The following SYT1 variants were observed in gnomAD, a reference collection of about 807,000 sequenced individuals.
The protein encoded by SYT1 is synaptotagmin 1.
Under a neutral mutation model 44.8 loss-of-function variants are expected in SYT1, and 8 were observed. That is an observed-to-expected ratio of 0.18 (90% CI 0.10 to 0.32). The LOEUF is 0.32. Ranked by LOEUF, SYT1 falls within the 10% of genes least tolerant of loss-of-function variation. The pLI is 1.00. For missense variants in SYT1, 286 were observed against 509.3 expected (o/e 0.56, Z 4.22); for synonymous variants, 154 against 188.8 (o/e 0.82, Z 1.51).
At chr12:79,101,014 A>G (rs1288746834) in intron 3 of SYT1, among the ~76,000 whole-genome samples, 1 of 152,148 alleles carries the variant, frequency 6.6e-6, no homozygotes, top group African/African-American at 2.4e-5. Flanking sequence ...CTCCAATATT[A>G]TATACATAAT....
intron 2 of SYT1, among the ~76,000 whole-genome samples, chr12:79,009,952 C>T (rs1006713212): frequency 2.6e-5 from 4 of 152,144 alleles, no homozygotes; most frequent in African/African-American, 9.7e-5. Flanking sequence ...CCCAGATTCA[C>T]AATACTGAGC....
chr12:79,091,958 T>C (rs1877807659), intron 3 of SYT1, among the ~76,000 whole-genome samples: 1 of 152,002 alleles, frequency 6.6e-6, no homozygotes, highest in Non-Finnish European at 1.5e-5. Flanking sequence ...TCAATTTTGC[T>C]TTGCTGGAAC....
At chr12:79,233,195 T>C (rs1332233010) in intron 4 of SYT1, among the ~76,000 whole-genome samples, 1 of 152,226 alleles carries the variant, frequency 6.6e-6, no homozygotes, top group East Asian at 1.9e-4. Flanking sequence ...CCCCCAAGCA[T>C]GTTTATTCCA....
chr12:79,015,596 T>C (rs1221681037), intron 2 of SYT1, among the ~76,000 whole-genome samples: 3 of 152,166 alleles, frequency 2.0e-5, no homozygotes, highest in Non-Finnish European at 4.4e-5. Context: ...ATAAAAAAGA[T>C]ATGCAGCCAG....
intron 3 of SYT1, among the ~76,000 whole-genome samples, chr12:79,151,618 A>T (rs546580540): frequency 6.6e-6 from 1 of 152,270 alleles, no homozygotes; most frequent in Non-Finnish European, 1.5e-5. Flanking sequence ...TTGACCAGGT[A>T]CAGCCAATAT....
At chr12:79,252,875 A>T (rs1292581861) in intron 4 of SYT1, among the ~76,000 whole-genome samples, 1 of 152,188 alleles carries the variant, frequency 6.6e-6, no homozygotes, top group Non-Finnish European at 1.5e-5. Context: ...TTCCAGAGCT[A>T]GTTGACAGGT....
At chr12:79,337,430 A>G (rs1882142421) in intron 8 of SYT1, among the ~76,000 whole-genome samples, 1 of 152,184 alleles carries the variant, frequency 6.6e-6, no homozygotes, top group Non-Finnish European at 1.5e-5. Flanking sequence ...GGATAGAACA[A>G]CATCCTAGCT....
chr12:78,961,523 T>C (rs985274364), intron 1 of SYT1, among the ~76,000 whole-genome samples: 1 of 152,156 alleles, frequency 6.6e-6, no homozygotes, highest in African/African-American at 2.4e-5. Context: ...AAATTGATCA[T>C]ACCTTTTTGT....
chr12:79,205,509 A>G (rs1018323437), intron 3 of SYT1, among the ~76,000 whole-genome samples: 1 of 152,214 alleles, frequency 6.6e-6, no homozygotes, highest in Non-Finnish European at 1.5e-5. Context: ...CAGCAAAACA[A>G]TGTTAAACTT....
At chr12:79,179,544 G>GATATATATATAT (rs879668657) in intron 3 of SYT1, among the ~76,000 whole-genome samples, 1 of 24,328 alleles carries the variant, frequency 4.1e-5, no homozygotes, top group African/African-American at 1.8e-4. Flanking sequence ...TATAGATATA[G>GATATATATATAT]AGATATAGAT....
chr12:79,082,898 C>T (rs534497703), intron 3 of SYT1, among the ~76,000 whole-genome samples: 14 of 152,120 alleles, frequency 9.2e-5, no homozygotes, highest in African/African-American at 2.9e-4. Flanking sequence ...CACGTCTTCT[C>T]AGGCTTTGAG....
intron 3 of SYT1, among the ~76,000 whole-genome samples, chr12:79,071,516 A>G (rs1815358979): frequency 6.6e-6 from 1 of 152,212 alleles, no homozygotes; most frequent in African/African-American, 2.4e-5. Flanking sequence ...AATGCCTACT[A>G]TATTTGTTTG....
intron 4 of SYT1, among the ~76,000 whole-genome samples, chr12:79,222,777 A>C (rs1875254385): frequency 6.6e-6 from 1 of 152,056 alleles, no homozygotes; most frequent in African/African-American, 2.4e-5. Context: ...CATAAATCCC[A>C]TGAGCTTTCT....
intron 1 of SYT1, among the ~76,000 whole-genome samples, chr12:78,933,110 T>C (rs540759311): frequency 1.3e-5 from 2 of 152,318 alleles, no homozygotes; most frequent in South Asian, 4.1e-4. Flanking sequence ...TTCTCGACTT[T>C]GAAAGAGTGC....
At chr12:78,953,632 T>G (rs546998460) in intron 1 of SYT1, among the ~76,000 whole-genome samples, 4 of 152,166 alleles carry the variant, frequency 2.6e-5, no homozygotes, top group Admixed American at 2.6e-4. Flanking sequence ...AAACACAATT[T>G]TTTGTAAAAT....
At chr12:79,159,285 A>C (rs17005314) in intron 3 of SYT1, among the ~76,000 whole-genome samples, 3,070 of 152,296 alleles carry the variant, frequency 0.02, 84 homozygotes, top group African/African-American at 0.06. Flanking sequence ...CATATTCAGC[A>C]TTTTGTTTTC....
chr12:79,377,908 C>T (rs1884066396), intron 9 of SYT1, among the ~76,000 whole-genome samples: 2 of 152,126 alleles, frequency 1.3e-5, no homozygotes, highest in African/African-American at 4.8e-5. Flanking sequence ...AGTTAGTCCA[C>T]CAAAATTATA....
chr12:78,965,409 T>G (rs1462724344), intron 1 of SYT1, among the ~76,000 whole-genome samples: 1 of 152,192 alleles, frequency 6.6e-6, no homozygotes, highest in Non-Finnish European at 1.5e-5. Flanking sequence ...TATAATCCTC[T>G]GTTTCCAGCT....
At chr12:79,395,817 A>G (rs1246819875) in intron 9 of SYT1, among the ~76,000 whole-genome samples, 1 of 152,216 alleles carries the variant, frequency 6.6e-6, no homozygotes, top group East Asian at 1.9e-4. Context: ...GAAGAGAAAA[A>G]TTGATTTAAA....
Sources: allele counts gnomAD v4.1 joint callset (sites outside exome capture counted in the v4.1 genomes callset), GRCh38; gene constraint gnomAD v4.1.1; transcripts MANE v1.5; gene names NCBI Gene and HGNC (gene_info 2026-07-23, HGNC 2026-07-21).